ANO10: variants seen among roughly 807,000 people sequenced by gnomAD.
The protein encoded by ANO10 is anoctamin-10.
Under a neutral mutation model 74.7 loss-of-function variants are expected in ANO10, and 77 were observed. The observed-to-expected ratio is 1.03, with a 90% CI of 0.86 to 1.25. The LOEUF (loss-of-function observed/expected upper bound fraction) is 1.25, where lower values mean the gene tolerates loss of function less well. Ranked by LOEUF, ANO10 falls within the 50% of genes most tolerant of loss-of-function variation. The pLI is 0.00. For missense variants in ANO10, 721 were observed against 778.1 expected, an observed-to-expected ratio of 0.93 and a Z score of 0.87; for synonymous variants, 279 against 284.9, an observed-to-expected ratio of 0.98 and a Z score of 0.21.
chr3:43,510,258 C>T lies in ANO10; in HGVS notation c.1797+39462G>A, dbSNP rs1457145462. ...CAGCCTGGCCAACATGGTGAAACCC[C>T]GTCTCTACTAAAAATACAAAAAGTT... On this transcript the variant is annotated intron_variant, in intron 11 of 12. Transcript: ENST00000292246. 3.3e-5 allele frequency among the ~76,000 whole-genome samples: 5 copies of T among 151,860 alleles called. 1 individual carries two copies. Among genetic ancestry groups the T allele is most frequent in the South Asian group, 4.2e-4 (2 of 4,804 alleles).
chr3:43,665,899 A>G (rs1279212945), intron 1 of ANO10, among the ~76,000 whole-genome samples: 5 of 152,204 alleles, frequency 3.3e-5, no homozygotes, highest in African/African-American at 9.7e-5. Flanking sequence ...GTGTTTAATT[A>G]TACAATTATA....
intron 1 of ANO10, among the ~76,000 whole-genome samples, chr3:43,608,054 G>A (rs1478239188): frequency 6.6e-6 from 1 of 152,114 alleles, no homozygotes; most frequent in Non-Finnish European, 1.5e-5. Flanking sequence ...AATATCTGAA[G>A]AGACTGACCA....
chr3:43,672,059 G>C (rs2084065690), intron 1 of ANO10, among the ~76,000 whole-genome samples: 2 of 152,292 alleles, frequency 1.3e-5, no homozygotes, highest in Admixed American at 1.3e-4. Flanking sequence ...TTATGCTGCT[G>C]CAAGTCATCT....
At chr3:43,576,292 T>A (rs1007991810) in intron 6 of ANO10, among the ~76,000 whole-genome samples, 1 of 152,172 alleles carries the variant, frequency 6.6e-6, no homozygotes, top group African/African-American at 2.4e-5. Context: ...CACAATGTTA[T>A]GTATTAGGAG....
At position 43,577,039 on chromosome 3, in the gene ANO10, C is replaced by G. The variant is rs772092273; in HGVS notation, c.815G>C (p.Trp272Ser). 5.6e-6 allele frequency: 9 copies of G among 1,614,062 alleles called. No homozygotes were observed. Among genetic ancestry groups the G allele is most frequent in the Non-Finnish European group, 7.6e-6 (9 of 1,180,036 alleles). ...KRGCANMTYR[W>S]GTLLMKRKFE... ...CTTTCTCTTCATGAGCAGTGTCCCC[C>G]ACCTGTAGGTCATGTTGGCACAGCC... The change falls in exon 6 of 13, where the codon TGG becomes TCG. Residue 272 changes from tryptophan to serine, a missense_variant. By Grantham distance (177) the Trp-to-Ser change is radical (BLOSUM62 -3). Transcript: ENST00000292246.
chr3:43,654,939 GT>G (rs1214837265), intron 1 of ANO10, among the ~76,000 whole-genome samples: 2 of 152,208 alleles, frequency 1.3e-5, no homozygotes, highest in African/African-American at 2.4e-5. Context: ...ACAACTTGAA[GT>G]ACCAGGGATG....
chr3:43,480,209 A>G (rs979545422), intron 11 of ANO10, among the ~76,000 whole-genome samples: 1 of 152,250 alleles, frequency 6.6e-6, no homozygotes, highest in African/African-American at 2.4e-5. Flanking sequence ...AGACACAAAA[A>G]TAGGGGGAAA....
At chr3:43,408,636 T>C (rs756266079) in intron 12 of ANO10, among the ~76,000 whole-genome samples, 89 of 152,314 alleles carry the variant, frequency 5.8e-4, no homozygotes, top group Middle Eastern at 3.4e-3. Flanking sequence ...GAGACTGCAG[T>C]GGATGCCCTG....
intron 1 of ANO10, among the ~76,000 whole-genome samples, chr3:43,630,043 T>C (rs903301858): frequency 1.1e-4 from 17 of 152,024 alleles, no homozygotes; most frequent in Admixed American, 6.5e-4. Flanking sequence ...CAAAGGAACT[T>C]GGGAAAGACT....
chr3:43,371,373 C>T (rs947412541), intron 12 of ANO10, among the ~76,000 whole-genome samples: 1 of 152,176 alleles, frequency 6.6e-6, no homozygotes, highest in Non-Finnish European at 1.5e-5. Context: ...CACTTCAGCC[C>T]AGCAGCAGCA....
At chr3:43,529,008 G>A (rs773495068) in intron 11 of ANO10, among the ~76,000 whole-genome samples, 25 of 152,108 alleles carry the variant, frequency 1.6e-4, no homozygotes, top group Non-Finnish European at 8.8e-5. Flanking sequence ...TTAAGAAAAT[G>A]TTCCAGAAAC....
In ANO10 at chr3:43,576,872, A is replaced by G. The variant is rs762313080; in HGVS notation, c.982T>C (p.Phe328Leu). 22 of 1,614,106 alleles carry G rather than the reference A, an allele frequency of 1.4e-5. No homozygotes were observed. The highest frequency in any genetic ancestry group is 1.9e-5 in the Non-Finnish European group (22 of 1,180,046). ...TAAATCATCATGACATACAGTGAGA[A>G]ATAGAGGCAGAGGCACACGAATGGC... ...SLPFVCLCLY[F>L]SLYVMMIYFD... is the part of the protein sequence containing the mutation. Residue 328 changes from phenylalanine to leucine, a missense_variant, in exon 6 of 13, where the codon TTC becomes CTC. Transcript: ENST00000292246.
chr3:43,486,357 G>C (rs1464233318), intron 11 of ANO10, among the ~76,000 whole-genome samples: 2 of 151,940 alleles, frequency 1.3e-5, no homozygotes, highest in Non-Finnish European at 2.9e-5. Flanking sequence ...GGCATTGGTA[G>C]CTTGATGGGG....
Position 43,671,460 on chromosome 3 carries a change from AG to A in ANO10, c.-12+20056del, listed in dbSNP as rs1389967835. 9.8e-5 allele frequency among the ~76,000 whole-genome samples: 15 copies of A among 152,290 alleles called. No individual in the cohort carries two copies. In the East Asian group the frequency reaches 2.5e-3, roughly 25 times the overall value. On this transcript the variant is annotated intron_variant, in intron 1 of 3. Coordinates refer to the ANO10 transcript ENST00000413397. ...TGAACTGGAAGCTCTAGGAGACTCA[AG>A]GAAGAAAACATAGGCTTAAAGGATG...
At chr3:43,407,828 G>A (rs1366633997) in intron 12 of ANO10, among the ~76,000 whole-genome samples, 1 of 152,192 alleles carries the variant, frequency 6.6e-6, no homozygotes, top group Non-Finnish European at 1.5e-5. Flanking sequence ...AAGAACACAG[G>A]GTGTTCTAGG....
At chr3:43,475,157 A>G (rs1046276884) in intron 11 of ANO10, among the ~76,000 whole-genome samples, 17 of 152,210 alleles carry the variant, frequency 1.1e-4, no homozygotes, top group Non-Finnish European at 2.9e-5. Flanking sequence ...AAGGATAAAT[A>G]CTTACATACA....
In ANO10 at chr3:43,593,052, T is replaced by A. The variant is rs183746644; in HGVS notation, c.472+5480A>T. ...GAATGAAATGAAGCAAGAAGAGAAGTTTAGAGAAAAAAGAGTAAAAAGAAA... is the reference window on the plus strand; with the variant it reads ...GAATGAAATGAAGCAAGAAGAGAAGATTAGAGAAAAAAGAGTAAAAAGAAA... On this transcript the variant is annotated intron_variant, in intron 4 of 12. Transcript: ENST00000292246. 2.0e-3 allele frequency among the ~76,000 whole-genome samples: 303 copies of A among 151,898 alleles called. 1 individual carries two copies. Among genetic ancestry groups the A allele is most frequent in the Non-Finnish European group, 2.9e-3 (199 of 67,944 alleles).
intron 8 of ANO10, among the ~76,000 whole-genome samples, chr3:43,562,754 C>T (rs986568276): frequency 1.3e-5 from 2 of 151,806 alleles, no homozygotes; most frequent in African/African-American, 4.8e-5. Flanking sequence ...AACCAGGTAT[C>T]TATATGCAGA....
chr3:43,571,675 G>A (rs2080727249), intron 7 of ANO10, among the ~76,000 whole-genome samples: 1 of 151,242 alleles, frequency 6.6e-6, no homozygotes, highest in Admixed American at 6.6e-5. Flanking sequence ...TCACACTCTG[G>A]GGACTGTTGT....
Sources: allele counts gnomAD v4.1 joint callset (sites outside exome capture counted in the v4.1 genomes callset), GRCh38; gene constraint gnomAD v4.1.1; transcripts MANE v1.5; gene names NCBI Gene and HGNC (gene_info 2026-07-23, HGNC 2026-07-21).